Variants in UNC13C observed in about 807,000 individuals in gnomAD.
UNC13C encodes unc-13 homolog C.
Under a neutral mutation model 245.4 loss-of-function variants are expected in UNC13C, and 174 were observed. The observed-to-expected ratio is 0.71, with a 90% CI of 0.63 to 0.80. The LOEUF (loss-of-function observed/expected upper bound fraction) is 0.80. Ranked by LOEUF, UNC13C falls within the 30% of genes least tolerant of loss-of-function variation. The pLI, the probability that UNC13C is intolerant of heterozygous loss-of-function variation, is 0.00. For missense variants in UNC13C, 2,829 were observed against 2,602.9 expected (o/e 1.09, Z -1.89); for synonymous variants, 992 against 895.1 (o/e 1.11, Z -1.93).
intron 17 of UNC13C, among the ~76,000 whole-genome samples, chr15:54,379,788 A>T (rs1346704966): frequency 6.6e-6 from 1 of 152,098 alleles, no homozygotes; most frequent in Non-Finnish European, 1.5e-5. Flanking sequence ...TTTCTTTTAC[A>T]TTCTCTGTAT....
rs541586054 is a variant in UNC13C at position 54,462,675 on chromosome 15, C to A, written c.4934-31933C>A. ...CAATGCGCTTGAATTCTCACCAGGC[C>A]TCAGCCACCTCCCCAGGGGCAGGGC... On this transcript the variant is annotated intron_variant, in intron 19 of 32. Coordinates refer to ENST00000260323, the MANE Select transcript of UNC13C (RefSeq NM_001080534.3). Among the ~76,000 whole-genome samples the A allele has an allele frequency of 3.9e-5, 6 of 152,382 alleles. No homozygotes were observed. The East Asian group carries it at 1.2e-3, about 29-fold the overall frequency.
chr15:53,939,930 G>A, the UNC13C span, among the ~76,000 whole-genome samples: 1 of 152,112 alleles, frequency 6.6e-6, no homozygotes, highest in Non-Finnish European at 1.5e-5. Context: ...TTTATATTGG[G>A]GAGAGAGATC....
intron 2 of UNC13C, among the ~76,000 whole-genome samples, chr15:54,139,087 A>G (rs1476985121): frequency 6.7e-6 from 1 of 148,790 alleles, no homozygotes. Flanking sequence ...AGCCTCCCGA[A>G]TAGCTGGGAT....
chr15:54,182,074 A>C (rs889833888), intron 4 of UNC13C, among the ~76,000 whole-genome samples: 1 of 151,946 alleles, frequency 6.6e-6, no homozygotes, highest in Admixed American at 6.6e-5. Context: ...TACTATGTTG[A>C]ATAGGAGTGG....
chr15:54,080,471 A>AT lies in UNC13C; in HGVS notation c.2984-62541dup, dbSNP rs760391986. Among the ~76,000 whole-genome samples, 13 of 151,738 alleles carry AT rather than the reference A, an allele frequency of 8.6e-5. No individual in the cohort carries two copies. In the East Asian group the frequency reaches 1.7e-3, roughly 20 times the overall value. The stretch of plus-strand genomic sequence containing the variant: ...ATCTTGGGTTTTTTTTAGTTGGTAG[A>AT]TTTTTTATTACCGATTCATTTCTAT... On this transcript the variant is annotated intron_variant, in intron 2 of 32. Transcript: ENST00000260323.
At chr15:53,892,469 T>A in the UNC13C span, among the ~76,000 whole-genome samples, 3 of 152,226 alleles carry the variant, frequency 2.0e-5, no homozygotes, top group Admixed American at 6.5e-5. Flanking sequence ...CTGAAGAGTG[T>A]TTTCCAGCTT....
chr15:54,581,585 GC>G (rs1898205784), intron 30 of UNC13C, among the ~76,000 whole-genome samples: 1 of 152,154 alleles, frequency 6.6e-6, no homozygotes, highest in Non-Finnish European at 1.5e-5. Flanking sequence ...TCAGGCCAGG[GC>G]CCCACCCTAT....
the UNC13C span, among the ~76,000 whole-genome samples, chr15:53,919,138 G>A: frequency 6.6e-6 from 1 of 152,082 alleles, no homozygotes; most frequent in Non-Finnish European, 1.5e-5. Flanking sequence ...GCTTAAATAT[G>A]TGGGTTCTAG....
intron 2 of UNC13C, among the ~76,000 whole-genome samples, chr15:54,127,750 A>G (rs987179930): frequency 1.9e-4 from 22 of 114,612 alleles, no homozygotes; most frequent in African/African-American, 6.4e-4. Flanking sequence ...TATATATTTC[A>G]TATATATTTA....
chr15:53,879,443 G>C, the UNC13C span, among the ~76,000 whole-genome samples: 1 of 152,166 alleles, frequency 6.6e-6, no homozygotes, highest in Non-Finnish European at 1.5e-5. Context: ...GATTATAGGG[G>C]TGAGCTACTA....
At chr15:54,390,728 C>T (rs953987967) in intron 17 of UNC13C, among the ~76,000 whole-genome samples, 5 of 151,754 alleles carry the variant, frequency 3.3e-5, no homozygotes, top group African/African-American at 1.2e-4. Context: ...CTTAATTTTT[C>T]CAATCATAAG....
At chr15:54,506,496 G>A (rs1323603247) in intron 22 of UNC13C, among the ~76,000 whole-genome samples, 1 of 152,020 alleles carries the variant, frequency 6.6e-6, no homozygotes, top group African/African-American at 2.4e-5. Context: ...TATTTGAGCT[G>A]ATGCATATTA....
rs1596172180 is a variant in UNC13C at position 54,299,763 on chromosome 15, T to C, written c.4105-447T>C. Among the ~76,000 whole-genome samples, 4 of 152,244 alleles carry C rather than the reference T, an allele frequency of 2.6e-5. No individual in the cohort carries two copies. The Middle Eastern group carries it at 0.01, about 388-fold the overall frequency. ...TGACACCTCTAACTAACCTCTCAGC[T>C]GCAGTGTAATAGAATCTAATTCTGA... On this transcript the variant is annotated intron_variant, in intron 12 of 32. Coordinates refer to ENST00000260323, the MANE Select transcript of UNC13C (RefSeq NM_001080534.3).
chr15:54,303,625 C>CT (rs55751740), intron 13 of UNC13C, among the ~76,000 whole-genome samples: 2,196 of 142,494 alleles, frequency 0.015, 49 homozygotes, highest in East Asian at 0.068. Context: ...AAGTATTTTT[C>CT]TTTTTTTTTT....
At chr15:53,902,033 A>T in the UNC13C span, among the ~76,000 whole-genome samples, 1 of 148,858 alleles carries the variant, frequency 6.7e-6, no homozygotes, top group East Asian at 2.3e-4. Flanking sequence ...CCACATGTGC[A>T]TTAGTTTTCA....
At chr15:54,514,305 T>C (rs75359791) in intron 24 of UNC13C, among the ~76,000 whole-genome samples, 5,105 of 152,312 alleles carry the variant, frequency 0.034, 317 homozygotes, top group African/African-American at 0.12. Context: ...TTAAAAGTTA[T>C]ACAATGTGTT....
At chr15:54,536,576 C>T (rs1286549183) in intron 26 of UNC13C, among the ~76,000 whole-genome samples, 5 of 151,842 alleles carry the variant, frequency 3.3e-5, no homozygotes, top group Non-Finnish European at 7.4e-5. Flanking sequence ...GATGCAAAAA[C>T]CCTCAACAAA....
the UNC13C span, among the ~76,000 whole-genome samples, chr15:53,857,321 T>G: frequency 1.2e-4 from 19 of 152,150 alleles, no homozygotes; most frequent in Admixed American, 1.2e-3. Context: ...AAATTTTTAG[T>G]AGAGTTTGTT....
chr15:54,492,295 C>A (rs1485900970), intron 19 of UNC13C, among the ~76,000 whole-genome samples: 1 of 151,712 alleles, frequency 6.6e-6, no homozygotes, highest in Non-Finnish European at 1.5e-5. Context: ...TTCTAAAGTA[C>A]CCAAAATATT....
Sources: allele counts gnomAD v4.1 joint callset (sites outside exome capture counted in the v4.1 genomes callset), GRCh38; gene constraint gnomAD v4.1.1; transcripts MANE v1.5; gene names NCBI Gene and HGNC (gene_info 2026-07-23, HGNC 2026-07-21).